Variants in LAP3 observed in about 807,000 individuals in gnomAD.
LAP3 encodes leucine aminopeptidase 3.
LAP3 carries 46 observed loss-of-function variants against 58.8 expected under a neutral mutation model. The ratio of observed to expected loss-of-function variants is 0.78; its 90% CI spans 0.62 to 1.00. The LOEUF (loss-of-function observed/expected upper bound fraction) is 1.00, where lower values mean the gene tolerates loss of function less well. Among genes scored for constraint, LAP3 ranks in the 50% least tolerant of loss-of-function variants. The pLI is 0.00. For synonymous variants in LAP3, 257 were observed against 237.7 expected (o/e 1.08, Z -0.75); for missense variants, 615 against 659.1 (o/e 0.93, Z 0.73).
At chr4:17,579,281 G>A (rs1402830465) in intron 1 of LAP3, among the ~76,000 whole-genome samples, 1 of 152,184 alleles carries the variant, frequency 6.6e-6, no homozygotes, top group African/African-American at 2.4e-5. Context: ...CCATTTTGGT[G>A]TTGACTTCCA....
chr4:17,580,501 G>A (rs535902236), intron 2 of LAP3, among the ~76,000 whole-genome samples: 19 of 151,994 alleles, frequency 1.3e-4, no homozygotes, highest in African/African-American at 4.6e-4. Context: ...TATTGTGAAA[G>A]ACTGATCCAG....
intron 2 of LAP3, 124 bp from the exon 3 acceptor site, chr4:17,581,634 CAT>C (rs1713365661): frequency 1.6e-6 from 1 of 640,914 alleles, no homozygotes; most frequent in Non-Finnish European, 2.7e-6. Context: ...TGGATAAAAA[CAT>C]AAGTGAAAAA....
chr4:17,582,550 G>A lies in LAP3; in HGVS notation c.379+157G>A, dbSNP rs150472263. ...AATTCAGTTCCTCTTGCTGAATATG[G>A]TTGGCCTTATGATAAATACAGAAGG... On this transcript the variant is annotated intron_variant, in intron 4 of 12. Coordinates refer to ENST00000226299, the MANE Select transcript of LAP3 (RefSeq NM_015907.3). 5.7e-5 allele frequency: 35 copies of A among 614,682 alleles called. No individual in the cohort carries two copies. The African/African-American group carries it at 6.3e-4, about 11-fold the overall frequency. 38.1% of individuals were successfully genotyped at this position (614,682 alleles called of 1,614,324 possible). A position where few individuals can be genotyped will look rare whatever the true frequency, so the allele number is the denominator to read the frequency against.
In LAP3 at chr4:17,587,061, G is replaced by A. The variant is rs879626024; in HGVS notation, c.705-1758G>A. On this transcript the variant is annotated intron_variant, in intron 6 of 12. Transcript: ENST00000226299. ...ATGGAGGTTGCAGTGAGCTGAGATC[G>A]CACCGCTGCACTCCAGCCTGGGCGA... 1.6e-4 allele frequency among the ~76,000 whole-genome samples: 25 copies of A among 152,170 alleles called. 1 individual carries two copies. The highest frequency in any genetic ancestry group is 3.9e-4 in the Admixed American group (6 of 15,276).
At chr4:17,577,683 T>G in intron 1 of LAP3, 116 bp downstream of exon 1, 1 of 783,450 alleles carries the variant, frequency 1.3e-6, no homozygotes, top group Non-Finnish European at 2.0e-6. Context: ...GTTGCAAAAA[T>G]CAGTTTAAAA....
At chr4:17,577,926 A>G (rs908295488) in intron 1 of LAP3, among the ~76,000 whole-genome samples, 1 of 152,216 alleles carries the variant, frequency 6.6e-6, no homozygotes, top group Non-Finnish European at 1.5e-5. Context: ...GAGTTTGCCA[A>G]GGTGAAAGGG....
chr4:17,587,070 C>T (rs938784789), intron 6 of LAP3, among the ~76,000 whole-genome samples: 1 of 152,208 alleles, frequency 6.6e-6, no homozygotes, highest in Non-Finnish European at 1.5e-5. Flanking sequence ...CGCACCGCTG[C>T]ACTCCAGCCT....
chr4:17,591,181 A>G (rs1198535411), intron 7 of LAP3, among the ~76,000 whole-genome samples: 1 of 151,844 alleles, frequency 6.6e-6, no homozygotes, highest in East Asian at 1.9e-4. Flanking sequence ...GGTTCAAGTG[A>G]TTCTCCTGCC....
intron 5 of LAP3, 31 bp downstream of exon 5, chr4:17,583,673 G>T: frequency 6.2e-7 from 1 of 1,612,296 alleles, no homozygotes; most frequent in Non-Finnish European, 8.5e-7. Flanking sequence ...GGAGGGTGGT[G>T]CTCCCTGGCG....
intron 7 of LAP3, 73 bp downstream of exon 7, chr4:17,589,050 G>A: frequency 6.8e-7 from 1 of 1,468,074 alleles, no homozygotes; most frequent in Non-Finnish European, 9.1e-7. Flanking sequence ...TGGTTATAGG[G>A]TTTTTTGGTT....
intron 8 of LAP3, among the ~76,000 whole-genome samples, chr4:17,595,788 G>C (rs1053970039): frequency 6.6e-5 from 10 of 152,136 alleles, no homozygotes; most frequent in African/African-American, 1.7e-4. Context: ...AGCAGTCAGG[G>C]GCACATAATG....
chr4:17,585,248 G>T (rs942547871), intron 6 of LAP3, 112 bp downstream of exon 6: 6 of 856,964 alleles, frequency 7.0e-6, no homozygotes, highest in Non-Finnish European at 7.4e-6. Context: ...CCAGAGATTT[G>T]AGATGACCCA....
At chr4:17,583,396 C>T in intron 4 of LAP3, 87 bp from the exon 5 acceptor site, 1 of 1,461,160 alleles carries the variant, frequency 6.8e-7, no homozygotes, top group Non-Finnish European at 9.5e-7. Flanking sequence ...GGGCTGTTTT[C>T]TCAGCACATC....
rs551533959 is a variant in LAP3, at chr4:17,586,588, T to C, written c.704+1452T>C. On this transcript the variant is annotated intron_variant, in intron 6 of 12. Coordinates refer to ENST00000226299, the MANE Select transcript of LAP3 (RefSeq NM_015907.3). ...TCCTTGTCCTTGCAGAAAGTGAGGA[T>C]GTTGTAAGAAGGAATAGGGAGGTAA... Among the ~76,000 whole-genome samples, 3 of 152,138 alleles carry C rather than the reference T, an allele frequency of 2.0e-5. No individual in the cohort carries two copies. The East Asian group carries it at 5.8e-4, about 29-fold the overall frequency.
intron 10 of LAP3, among the ~76,000 whole-genome samples, chr4:17,604,264 C>T (rs1714059510): frequency 8.5e-6 from 1 of 118,216 alleles, no homozygotes; most frequent in Admixed American, 9.7e-5. Flanking sequence ...TGAGTGAGAC[C>T]TTTCTCAAAA....
Position 17,584,993 on chromosome 4 carries a change from G to GA in LAP3, c.564dup (p.Gly189ArgfsTer21), listed in dbSNP as rs749229958. ...CCAGTGGGGATCAGGAGGCCTGGCAGAAAGGAGTCCTGTTTGCTTCTGGGC... is the reference window on the plus strand; with the variant it reads ...CCAGTGGGGATCAGGAGGCCTGGCAGAAAAGGAGTCCTGTTTGCTTCTGGGC... On this transcript the variant is annotated frameshift_variant, in exon 6 of 13. Transcript: ENST00000226299. LOFTEE classifies it high-confidence loss of function. 1 of 1,614,062 alleles carries GA rather than the reference G, an allele frequency of 6.2e-7. No homozygotes were observed. Among genetic ancestry groups the GA allele is most frequent in the East Asian group, 2.2e-5 (1 of 44,888 alleles).
At chr4:17,584,416 G>A (rs1054265222) in intron 5 of LAP3, among the ~76,000 whole-genome samples, 8 of 152,214 alleles carry the variant, frequency 5.3e-5, no homozygotes, top group Non-Finnish European at 1.0e-4. Flanking sequence ...TGCTGCCATA[G>A]GAAGAGCCAG....
In LAP3 at chr4:17,584,660, G is replaced by A. The variant is rs192974627; in HGVS notation, c.540-312G>A. The A allele has an allele frequency of 9.8e-4, 186 of 190,186 alleles. 1 individual carries two copies. The highest frequency in any genetic ancestry group is 3.6e-4 in the Non-Finnish European group (33 of 92,230). 11.8% of individuals were successfully genotyped at this position (190,186 alleles called of 1,614,324 possible). ...GTGGAAGCCTCTTCTCTTCATTTAT[G>A]TGGTAGATTTAGAGCTTCAAAGACC... On this transcript the variant is annotated intron_variant, in intron 5 of 12. Coordinates refer to ENST00000226299, the MANE Select transcript of LAP3 (RefSeq NM_015907.3).
At chr4:17,586,835 G>A (rs1713528295) in intron 6 of LAP3, among the ~76,000 whole-genome samples, 1 of 152,166 alleles carries the variant, frequency 6.6e-6, no homozygotes, top group South Asian at 2.1e-4. Flanking sequence ...GCCAGGCATG[G>A]TGGCTCATGA....
Sources: gnomAD v4.1 joint callset for allele counts (sites outside exome capture counted in the v4.1 genomes callset) on GRCh38, gnomAD v4.1.1 for gene constraint, MANE v1.5 for transcripts, NCBI Gene and HGNC (gene_info 2026-07-23, HGNC 2026-07-21) for gene names.